Variants in MNAT1 observed in about 807,000 individuals in gnomAD.
The protein encoded by MNAT1 is MNAT1 component of CDK activating kinase, also known as CDK-activating kinase assembly factor MAT1.
In MNAT1, 43 loss-of-function variants were observed where a neutral mutation model predicts 42.0. That is an observed-to-expected ratio of 1.02 (90% CI 0.80 to 1.32). MNAT1 has a LOEUF of 1.32. Among genes scored for constraint, MNAT1 ranks in the 40% most tolerant of loss-of-function variants. The probability of loss-of-function intolerance (pLI) is 0.00; values close to 1 mark genes in which losing one functional copy is unlikely to be tolerated. For missense variants in MNAT1, 306 were observed against 350.4 expected, an observed-to-expected ratio of 0.87 and a Z score of 1.01; for synonymous variants, 118 against 120.0, an observed-to-expected ratio of 0.98 and a Z score of 0.11.
At chr14:60,780,668 A>G (rs1262167485) in intron 1 of MNAT1, 2 of 909,996 alleles carry the variant, frequency 2.2e-6, no homozygotes, top group African/African-American at 1.7e-5. Flanking sequence ...TCTATAGTTG[A>G]TATGTTTTAT....
At chr14:60,763,233 TTTAA>T (rs1470399582) in intron 1 of MNAT1, among the ~76,000 whole-genome samples, 1 of 152,198 alleles carries the variant, frequency 6.6e-6, no homozygotes, top group African/African-American at 2.4e-5. Flanking sequence ...ATCATTTATC[TTTAA>T]TTAATTTATA....
intron 1 of MNAT1, among the ~76,000 whole-genome samples, chr14:60,761,295 A>G (rs1594732490): frequency 1.3e-5 from 2 of 152,312 alleles, no homozygotes; most frequent in East Asian, 1.9e-4. Context: ...GGGGTCACCA[A>G]TCATTTGATA....
intron 2 of MNAT1, among the ~76,000 whole-genome samples, chr14:60,796,738 A>G (rs1337557242): frequency 1.3e-5 from 2 of 152,178 alleles, no homozygotes; most frequent in Non-Finnish European, 2.9e-5. Flanking sequence ...ACCATACAGT[A>G]GCATAGGATA....
rs71114168 is a variant in MNAT1 at position 60,930,206 on chromosome 14, TTTATTATTATTATTATTA to T, written c.810-37999_810-37982del. 2.0e-3 allele frequency among the ~76,000 whole-genome samples: 279 copies of T among 138,742 alleles called. 2 individuals are homozygous for T. Among genetic ancestry groups the T allele is most frequent in the African/African-American group, 7.2e-3 (273 of 37,946 alleles). The allele number at this position is 138,742 out of a possible 152,430, so 91.0% of individuals were successfully genotyped here. A position where few individuals can be genotyped will look rare whatever the true frequency, so the allele number is the denominator to read the frequency against. ...TATTACTAAAGATTCTTCTTCCGTC[TTTATTATTATTATTATTA>T]TTATTATTATTATTATTATTATTTG... On this transcript the variant is annotated intron_variant, in intron 7 of 7. Transcript: ENST00000261245.
intron 2 of MNAT1, 101 bp downstream of exon 2, chr14:60,796,470 G>A: frequency 9.5e-7 from 1 of 1,047,380 alleles, no homozygotes; most frequent in Non-Finnish European, 1.4e-6. Flanking sequence ...AGATTAGCAA[G>A]TAAATAACTA....
At chr14:60,749,777 C>T (rs2029992545) in intron 1 of MNAT1, among the ~76,000 whole-genome samples, 1 of 152,040 alleles carries the variant, frequency 6.6e-6, no homozygotes, top group African/African-American at 2.4e-5. Flanking sequence ...GCAACTTGTT[C>T]CTGAGACAGC....
At chr14:60,735,070 G>A (rs745312618) in intron 1 of MNAT1, 119 bp downstream of exon 1, 29 of 915,718 alleles carry the variant, frequency 3.2e-5, no homozygotes, top group Admixed American at 2.2e-4. Context: ...ACACTGGGGA[G>A]GAAAATGGGA....
chr14:60,907,938 ATC>A (rs2035247303), intron 7 of MNAT1, among the ~76,000 whole-genome samples: 1 of 152,162 alleles, frequency 6.6e-6, no homozygotes, highest in Non-Finnish European at 1.5e-5. Context: ...TTATCTGAAT[ATC>A]TGTTTCTTCA....
intron 7 of MNAT1, among the ~76,000 whole-genome samples, chr14:60,908,332 T>C (rs1293075473): frequency 6.6e-6 from 1 of 152,186 alleles, no homozygotes; most frequent in Non-Finnish European, 1.5e-5. Flanking sequence ...TTTTTTATTT[T>C]TATTATACTT....
intron 6 of MNAT1, among the ~76,000 whole-genome samples, chr14:60,821,680 A>G (rs1048370361): frequency 6.6e-6 from 1 of 152,000 alleles, no homozygotes; most frequent in Non-Finnish European, 1.5e-5. Flanking sequence ...CTAACATTTT[A>G]TATGTACTTT....
intron 1 of MNAT1, among the ~76,000 whole-genome samples, chr14:60,783,440 A>G (rs2031534323): frequency 6.6e-6 from 1 of 152,210 alleles, no homozygotes; most frequent in Non-Finnish European, 1.5e-5. Flanking sequence ...ATGTACCTTC[A>G]AAGTAGCATA....
intron 6 of MNAT1, among the ~76,000 whole-genome samples, chr14:60,875,679 A>G (rs893062284): frequency 6.6e-6 from 1 of 152,124 alleles, no homozygotes; most frequent in Non-Finnish European, 1.5e-5. Context: ...CTTTTTGGCT[A>G]TTGTAAATGA....
At chr14:60,805,213 T>C (rs1432071745) in intron 3 of MNAT1, among the ~76,000 whole-genome samples, 1 of 19,214 alleles carries the variant, frequency 5.2e-5, no homozygotes, top group Non-Finnish European at 8.8e-4. Flanking sequence ...TGAGAAGTTT[T>C]TTCTTTTTTC....
chr14:60,818,812 G>A lies in MNAT1; in HGVS notation c.652G>A (p.Val218Ile), dbSNP rs757973588. ...AATGCAACTTGAGAAACCCAAACCT[G>A]TAAAACCAGTGACGTTTTCCACAGG... ...LEMQLEKPKP[V>I]KPVTFSTGIK... Residue 218 changes from valine (V) to isoleucine (I), a missense_variant, in exon 6 of 8, where the codon GTA becomes ATA. Physicochemically the swap from Val to Ile is conservative, Grantham distance 29. Transcript: ENST00000261245. 2 of 1,612,622 alleles carry A rather than the reference G, an allele frequency of 1.2e-6. No homozygotes were observed. The highest frequency in any genetic ancestry group is 1.3e-5 in the African/African-American group (1 of 74,994).
intron 3 of MNAT1, among the ~76,000 whole-genome samples, chr14:60,807,600 CTT>C (rs1348966706): frequency 6.6e-6 from 1 of 151,854 alleles, no homozygotes; most frequent in Admixed American, 6.6e-5. Context: ...ATTATAGTAA[CTT>C]TGATTTACAT....
intron 1 of MNAT1, among the ~76,000 whole-genome samples, chr14:60,742,620 G>A (rs1478997776): frequency 6.6e-6 from 1 of 152,052 alleles, no homozygotes; most frequent in East Asian, 1.9e-4. Flanking sequence ...ACCCCACAAA[G>A]ATACCTCTCA....
intron 7 of MNAT1, among the ~76,000 whole-genome samples, chr14:60,967,790 T>C (rs2036709000): frequency 6.6e-6 from 1 of 152,214 alleles, no homozygotes; most frequent in African/African-American, 2.4e-5. Flanking sequence ...CTTCCATTTG[T>C]TTAGCTATTG....
At chr14:60,798,720 AT>A (rs1433899369) in intron 3 of MNAT1, among the ~76,000 whole-genome samples, 1 of 152,134 alleles carries the variant, frequency 6.6e-6, no homozygotes, top group Non-Finnish European at 1.5e-5. Flanking sequence ...AGAAAAAATG[AT>A]TTCAGTTTTC....
At chr14:60,808,189 C>G (rs2032436961) in intron 3 of MNAT1, 136 bp from the exon 4 acceptor site, 8 of 521,272 alleles carry the variant, frequency 1.5e-5, no homozygotes, top group Non-Finnish European at 2.4e-5. Flanking sequence ...AAATAGGTAG[C>G]TGATTAAAAG....
Sources: allele counts gnomAD v4.1 joint callset (sites outside exome capture counted in the v4.1 genomes callset), GRCh38; gene constraint gnomAD v4.1.1; transcripts MANE v1.5; gene names NCBI Gene and HGNC (gene_info 2026-07-23, HGNC 2026-07-21).